The following SEC24A variants were observed in gnomAD, a reference collection of about 807,000 sequenced individuals.
SEC24A encodes SEC24 homolog A, COPII component.
In SEC24A, 93 loss-of-function variants were observed where a neutral mutation model predicts 129.4. The ratio of observed to expected loss-of-function variants is 0.72; its 90% confidence interval spans 0.61 to 0.85. SEC24A has a LOEUF of 0.85. Among genes scored for constraint, SEC24A ranks in the 40% least tolerant of loss-of-function variants. The pLI is 0.00. For synonymous variants in SEC24A, 460 were observed against 467.3 expected, an observed-to-expected ratio of 0.98 and a Z score of 0.20; for missense variants, 1,264 against 1,307.4, an observed-to-expected ratio of 0.97 and a Z score of 0.51.
At chr5:134,671,589 T>G (rs1427524304) in intron 3 of SEC24A, among the ~76,000 whole-genome samples, 2 of 152,204 alleles carry the variant, frequency 1.3e-5, no homozygotes, top group Non-Finnish European at 2.9e-5. Context: ...GAAAAAAGAC[T>G]CTTTCCAAAG....
intron 9 of SEC24A, among the ~76,000 whole-genome samples, chr5:134,683,387 AT>A (rs1305432309): frequency 2.0e-5 from 3 of 151,552 alleles, no homozygotes; most frequent in African/African-American, 4.9e-5. Flanking sequence ...CTTCATACAA[AT>A]TTTTTTTCTA....
At chr5:134,688,981 G>A (rs986634538) in intron 11 of SEC24A, among the ~76,000 whole-genome samples, 2 of 152,060 alleles carry the variant, frequency 1.3e-5, no homozygotes, top group African/African-American at 4.8e-5. Flanking sequence ...CCCACAGCCA[G>A]TTAAGTGATT....
chr5:134,664,792 CTTTTT>C (rs70976552), intron 2 of SEC24A, among the ~76,000 whole-genome samples: 20 of 86,192 alleles, frequency 2.3e-4, no homozygotes, highest in African/African-American at 7.4e-4. Context: ...TTTTCTTTTT[CTTTTT>C]TTTTTTTTTT....
At chr5:134,662,389 C>A (rs889746640) in intron 2 of SEC24A, among the ~76,000 whole-genome samples, 1 of 151,904 alleles carries the variant, frequency 6.6e-6, no homozygotes, top group Non-Finnish European at 1.5e-5. Context: ...CTCCTGACCT[C>A]GTGATCCGCC....
At chr5:134,696,064 C>A (rs1260885289) in intron 13 of SEC24A, among the ~76,000 whole-genome samples, 1 of 151,642 alleles carries the variant, frequency 6.6e-6, no homozygotes, top group African/African-American at 2.4e-5. Flanking sequence ...TTTGGGAATT[C>A]GAGACCAGCC....
intron 4 of SEC24A, 33 bp from the exon 5 acceptor site, chr5:134,674,582 T>C: frequency 6.3e-7 from 1 of 1,591,876 alleles, no homozygotes; most frequent in South Asian, 1.1e-5. Context: ...TTCTGGAGTA[T>C]AAAATAGAAC....
intron 19 of SEC24A, among the ~76,000 whole-genome samples, chr5:134,715,788 G>A (rs1189280246): frequency 2.0e-5 from 3 of 150,786 alleles, no homozygotes; most frequent in Non-Finnish European, 4.4e-5. Flanking sequence ...AAACACCATG[G>A]CACATGTATG....
chr5:134,702,597 T>C (rs1752036205), intron 15 of SEC24A, among the ~76,000 whole-genome samples: 1 of 152,212 alleles, frequency 6.6e-6, no homozygotes, highest in African/African-American at 2.4e-5. Context: ...ATGTATCTTA[T>C]GGTCGATTTA....
intron 20 of SEC24A, among the ~76,000 whole-genome samples, chr5:134,719,182 G>C (rs985946731): frequency 6.6e-6 from 1 of 152,068 alleles, no homozygotes; most frequent in African/African-American, 2.4e-5. Flanking sequence ...AGGAATTCGA[G>C]ACCAGCCGGG....
At chr5:134,694,794 G>C (rs1751767980) in intron 13 of SEC24A, among the ~76,000 whole-genome samples, 1 of 149,912 alleles carries the variant, frequency 6.7e-6, no homozygotes. Context: ...ACTCCAGCCT[G>C]TGCAACAAGA....
chr5:134,673,070 T>TC (rs1409359574), intron 4 of SEC24A, among the ~76,000 whole-genome samples: 3 of 150,542 alleles, frequency 2.0e-5, no homozygotes, highest in South Asian at 2.1e-4. Context: ...TTTTTTTTTT[T>TC]TCTGAGATGG....
At position 134,666,908 on chromosome 5, in the gene SEC24A, C is replaced by T. The variant is rs532518817; in HGVS notation, c.651C>T (p.Gly217=). The T allele has an allele frequency of 1.2e-6, 2 of 1,612,006 alleles. No individual in the cohort carries two copies. Among genetic ancestry groups the T allele is most frequent in the South Asian group, 2.2e-5 (2 of 91,034 alleles). ...GAPHGPPPAG[G]PPPVRALTPL... is the part of the protein sequence containing the mutation. ...CTCATGGGCCCCCTCCAGCTGGAGG[C>T]CCACCCCCAGTGAGGGCCCTCACGC... The change falls in exon 3 of 23, where the codon GGC becomes GGT. Residue 217 remains glycine (G), a synonymous_variant. Coordinates refer to ENST00000398844, the MANE Select transcript of SEC24A (RefSeq NM_021982.3).
At chr5:134,669,852 A>G (rs1750797583) in intron 3 of SEC24A, among the ~76,000 whole-genome samples, 1 of 152,102 alleles carries the variant, frequency 6.6e-6, no homozygotes, top group South Asian at 2.1e-4. Flanking sequence ...AGGAGGCTAC[A>G]GCTGCAGCCT....
At chr5:134,684,139 C>A (rs1302561699) in intron 9 of SEC24A, among the ~76,000 whole-genome samples, 2 of 150,238 alleles carry the variant, frequency 1.3e-5, no homozygotes, top group East Asian at 4.0e-4. Flanking sequence ...CCCGTCTCTA[C>A]TAAAAATACA....
At position 134,718,159 on chromosome 5, in the gene SEC24A, A is replaced by C; in HGVS notation, c.2956A>C (p.Met986Leu). ...GCTGAGCAGAGATGGAGCTTTCCTC[A>C]TGGATGCAGGCTCTGTAAGTAATTT... is the stretch of plus-strand genomic sequence containing the variant. The part of the protein sequence containing the change: ...EKLSRDGAFL[M>L]DAGSVLMLWV... The change falls in exon 20 of 23, where the codon ATG becomes CTG. Residue 986 changes from methionine to leucine, a missense_variant. Met to Leu is a conservative substitution (Grantham distance 15). Coordinates refer to ENST00000398844, the MANE Select transcript of SEC24A (RefSeq NM_021982.3). The C allele has an allele frequency of 6.2e-7, 1 of 1,613,312 alleles. No homozygotes were observed. Among genetic ancestry groups the C allele is most frequent in the Admixed American group, 1.7e-5 (1 of 60,006 alleles).
intron 18 of SEC24A, among the ~76,000 whole-genome samples, chr5:134,714,313 G>A (rs1011840987): frequency 1.3e-5 from 2 of 152,086 alleles, no homozygotes; most frequent in African/African-American, 2.4e-5. Context: ...GCCACATACC[G>A]GTACCAGTGG....
chr5:134,670,978 G>A (rs774300526), intron 3 of SEC24A, among the ~76,000 whole-genome samples: 2 of 151,790 alleles, frequency 1.3e-5, no homozygotes, highest in Non-Finnish European at 2.9e-5. Flanking sequence ...AACAGAGTGA[G>A]ACTCCATCTC....
At chr5:134,689,276 A>G (rs902543282) in intron 11 of SEC24A, among the ~76,000 whole-genome samples, 3 of 152,314 alleles carry the variant, frequency 2.0e-5, no homozygotes, top group Admixed American at 1.3e-4. Context: ...CAATTCCTCA[A>G]AGTTAATGGT....
At chr5:134,697,005 G>C in intron 13 of SEC24A, 121 bp from the exon 14 acceptor site, 1 of 553,520 alleles carries the variant, frequency 1.8e-6, no homozygotes, top group Non-Finnish European at 3.1e-6. Context: ...AAAGGACTTT[G>C]TAGAATGCCC....
Sources: gnomAD v4.1 joint callset for allele counts (sites outside exome capture counted in the v4.1 genomes callset) on GRCh38, gnomAD v4.1.1 for gene constraint, MANE v1.5 for transcripts, NCBI Gene and HGNC (gene_info 2026-07-23, HGNC 2026-07-21) for gene names.